Variants in TOR3A observed in about 807,000 individuals in gnomAD.
TOR3A encodes torsin family 3 member A, also known as torsin-3A.
TOR3A carries 44 observed loss-of-function variants against 42.1 expected under a neutral mutation model. The ratio of observed to expected loss-of-function variants is 1.04; its 90% confidence interval spans 0.82 to 1.34. The LOEUF (loss-of-function observed/expected upper bound fraction) is 1.34. Among genes scored for constraint, TOR3A ranks in the 40% most tolerant of loss-of-function variants. TOR3A has a pLI of 0.00. For synonymous variants in TOR3A, 227 were observed against 213.2 expected (o/e 1.06, Z -0.57); for missense variants, 521 against 507.6 (o/e 1.03, Z -0.25).
At position 179,095,156 on chromosome 1, in the gene TOR3A, C is replaced by CAACT. The variant is rs1652703746; in HGVS notation, c.1133_1136dup (p.Phe380ThrfsTer15). The CAACT allele has an allele frequency of 1.2e-6, 2 of 1,614,044 alleles. No homozygotes were observed. The highest frequency in any genetic ancestry group is 1.7e-6 in the Non-Finnish European group (2 of 1,180,026). ...GATGGTGTATGTCCCCAAGGAGGAACAACTCTTTTCTTCCCAGGGCTGCAA... is the reference window on the plus strand; with the variant it reads ...GATGGTGTATGTCCCCAAGGAGGAACAACTAACTCTTTTCTTCCCAGGGCTGCAA... On this transcript the variant is annotated frameshift_variant, in exon 6 of 6. Coordinates refer to ENST00000367627, the MANE Select transcript of TOR3A (RefSeq NM_022371.4). LOFTEE classifies it high-confidence loss of function.
At chr1:179,087,604 G>C (rs1188947172) in intron 3 of TOR3A, among the ~76,000 whole-genome samples, 1 of 152,130 alleles carries the variant, frequency 6.6e-6, no homozygotes. Context: ...GCTGGAGCAG[G>C]GGCCCCTTCT....
At chr1:179,090,414 T>C (rs1167212070) in intron 4 of TOR3A, among the ~76,000 whole-genome samples, 1 of 152,222 alleles carries the variant, frequency 6.6e-6, no homozygotes, top group African/African-American at 2.4e-5. Flanking sequence ...TATTGGAGTC[T>C]CTGGACTTGA....
At chr1:179,085,928 G>T (rs1485990061) in intron 3 of TOR3A, 35 bp downstream of exon 3, 1 of 1,599,162 alleles carries the variant, frequency 6.3e-7, no homozygotes, top group South Asian at 1.1e-5. Flanking sequence ...AGGCCTCTGT[G>T]CTGGGAGGGA....
chr1:179,082,994 A>C lies in TOR3A; in HGVS notation c.314A>C (p.Tyr105Ser), dbSNP rs1399280429. 1.9e-6 allele frequency: 3 copies of C among 1,590,106 alleles called. No individual in the cohort carries two copies. The highest frequency in any genetic ancestry group is 2.6e-6 in the Non-Finnish European group (3 of 1,169,200). ...QRYLDLLTTW[Y>S]CSFKDCCPRG... The stretch of plus-strand genomic sequence containing the variant: ...TACCTGGACCTCCTGACCACGTGGT[A>C]CTGCAGCTTCAAAGACTGCTGCCCT... Residue 105 changes from tyrosine to serine, a missense_variant, in exon 2 of 6, where the codon TAC becomes TCC. Physicochemically the swap from Tyr to Ser is moderately radical, Grantham distance 144. Transcript: ENST00000367627.
chr1:179,082,461 G>T, intron 1 of TOR3A, 74 bp downstream of exon 1: 1 of 1,503,292 alleles, frequency 6.7e-7, no homozygotes, highest in East Asian at 2.4e-5. Flanking sequence ...TGGTCGCCTC[G>T]CTCCTGTCCG....
At chr1:179,091,384 G>A (rs1337153892) in intron 4 of TOR3A, among the ~76,000 whole-genome samples, 1 of 152,192 alleles carries the variant, frequency 6.6e-6, no homozygotes, top group Non-Finnish European at 1.5e-5. Context: ...TGCCAGAGTG[G>A]TGGTCCTGAA....
At chr1:179,087,733 G>T (rs575158173) in intron 3 of TOR3A, among the ~76,000 whole-genome samples, 178 bp from the exon 4 acceptor site, 1 of 146,376 alleles carries the variant, frequency 6.8e-6, no homozygotes, top group African/African-American at 2.5e-5. Context: ...GAGCTGGTCA[G>T]ATGCAAATGT....
chr1:179,087,905 G>A lies in TOR3A; in HGVS notation c.640-6G>A, dbSNP rs754905765. 1.1e-5 allele frequency: 18 copies of A among 1,573,890 alleles called. No homozygotes were observed. Among genetic ancestry groups the A allele is most frequent in the African/African-American group, 2.7e-5 (2 of 73,522 alleles). On this transcript the variant is annotated splice_polypyrimidine_tract_variant and splice_region_variant and intron_variant, in intron 3 of 5. Transcript: ENST00000367627. ...CTTCCCCAGCTGCTCCCTATATCCC[G>A]TGCAGGAGCAGCTGATGAGCCAGAT...
chr1:179,082,276 G>GA lies in TOR3A; in HGVS notation c.149dup (p.Gln51AlafsTer26). The GA allele has an allele frequency of 1.3e-6, 2 of 1,569,524 alleles. No homozygotes were observed. Among genetic ancestry groups the GA allele is most frequent in the Non-Finnish European group, 1.7e-6 (2 of 1,164,062 alleles). On this transcript the variant is annotated frameshift_variant, in exon 1 of 6. Transcript: ENST00000367627. LOFTEE classifies it high-confidence loss of function. ...CTGGCCGGGCTTCCAGCGCCTGCAGGAGCAGCTCAGGGCGGCGGGTGCCCT... is the reference window on the plus strand; with the variant it reads ...CTGGCCGGGCTTCCAGCGCCTGCAGGAAGCAGCTCAGGGCGGCGGGTGCCCT...
At chr1:179,085,199 G>A (rs1652396346) in intron 2 of TOR3A, among the ~76,000 whole-genome samples, 1 of 152,194 alleles carries the variant, frequency 6.6e-6, no homozygotes, top group Non-Finnish European at 1.5e-5. Context: ...GGCCGAGGTG[G>A]GCGGATCTCG....
intron 3 of TOR3A, among the ~76,000 whole-genome samples, chr1:179,086,266 G>C (rs1652430338): frequency 1.3e-5 from 2 of 152,256 alleles, no homozygotes; most frequent in South Asian, 4.1e-4. Context: ...CAGCTAAGGA[G>C]AGGTAGCATT....
chr1:179,089,915 C>A (rs978881833), intron 4 of TOR3A, among the ~76,000 whole-genome samples: 11 of 152,196 alleles, frequency 7.2e-5, no homozygotes, highest in Admixed American at 2.6e-4. Flanking sequence ...CTCCCACCCA[C>A]TTCTCAGCTT....
intron 4 of TOR3A, among the ~76,000 whole-genome samples, chr1:179,089,831 C>T (rs535768401): frequency 6.6e-5 from 10 of 152,238 alleles, no homozygotes; most frequent in East Asian, 3.9e-4. Context: ...ATCTCCCTTG[C>T]GCTGAGTGTC....
At chr1:179,087,587 G>C (rs1652465191) in intron 3 of TOR3A, among the ~76,000 whole-genome samples, 1 of 152,204 alleles carries the variant, frequency 6.6e-6, no homozygotes, top group African/African-American at 2.4e-5. Flanking sequence ...GGAGAGGAGA[G>C]AGCAGGGCTG....
At position 179,095,254 on chromosome 1, in the gene TOR3A, C is replaced by T. The variant is rs531451026; in HGVS notation, c.*36C>T. 6.2e-7 allele frequency: 1 copy of T among 1,610,994 alleles called. No individual in the cohort carries two copies. Among genetic ancestry groups the T allele is most frequent in the Non-Finnish European group, 8.5e-7 (1 of 1,178,830 alleles). ...AAGACTTCCTGGAACTGCCTTTCTTCCACTAACAGGACCCTGGGACCTGTA... is the reference window on the plus strand; with the variant it reads ...AAGACTTCCTGGAACTGCCTTTCTTTCACTAACAGGACCCTGGGACCTGTA... On this transcript the variant is annotated 3_prime_UTR_variant, in exon 6 of 6. Coordinates refer to ENST00000367627, the MANE Select transcript of TOR3A (RefSeq NM_022371.4).
intron 3 of TOR3A, among the ~76,000 whole-genome samples, chr1:179,087,141 C>T (rs1346432948): frequency 6.6e-6 from 1 of 152,238 alleles, no homozygotes; most frequent in East Asian, 1.9e-4. Context: ...GGAGTGTGGG[C>T]TCTGGAGTGG....
Position 179,095,417 on chromosome 1 carries a change from G to GC in TOR3A, c.*199_*200insC. On this transcript the variant is annotated 3_prime_UTR_variant, in exon 6 of 6. Transcript: ENST00000367627. The stretch of plus-strand genomic sequence containing the variant: ...CCAATCCTTTTTCTTTTTTTTGGAG[G>GC]TCCCACCGAGATAGATAGGAACTTG... 7 of 1,292,548 alleles carry GC rather than the reference G, an allele frequency of 5.4e-6. No individual in the cohort carries two copies. The highest frequency in any genetic ancestry group is 2.5e-5 in the South Asian group (1 of 40,478). 80.1% of individuals were successfully genotyped at this position (1,292,548 alleles called of 1,614,324 possible).
intron 2 of TOR3A, among the ~76,000 whole-genome samples, chr1:179,085,196 G>A (rs775409628): frequency 1.8e-4 from 28 of 152,212 alleles, no homozygotes; most frequent in Non-Finnish European, 3.4e-4. Context: ...GGAGGCCGAG[G>A]TGGGCGGATC....
At chr1:179,094,243 TG>T in intron 5 of TOR3A, 26 bp downstream of exon 5, 1 of 1,601,952 alleles carries the variant, frequency 6.2e-7, no homozygotes, top group African/African-American at 1.3e-5. Context: ...AATATGCCTC[TG>T]GTGAGAGCCA....
Sources: gnomAD v4.1 joint callset for allele counts (sites outside exome capture counted in the v4.1 genomes callset) on GRCh38, gnomAD v4.1.1 for gene constraint, MANE v1.5 for transcripts, NCBI Gene and HGNC (gene_info 2026-07-23, HGNC 2026-07-21) for gene names.